The following SUPT7L variants were observed in gnomAD, a reference collection of about 807,000 sequenced individuals.
SUPT7L encodes SPT7 like, STAGA complex subunit gamma, also known as STAGA complex 65 subunit gamma.
Under a neutral mutation model 35.7 loss-of-function variants are expected in SUPT7L, and 15 were observed. The ratio of observed to expected loss-of-function variants is 0.42; its 90% CI spans 0.28 to 0.65. SUPT7L has a LOEUF of 0.65. SUPT7L is among the 30% of genes least tolerant of loss of function. The probability of loss-of-function intolerance (pLI) is 0.23; values close to 1 mark genes in which losing one functional copy is unlikely to be tolerated. For synonymous variants in SUPT7L, 168 were observed against 186.2 expected (o/e 0.90, Z 0.79); for missense variants, 434 against 522.2 (o/e 0.83, Z 1.65).
At chr2:27,643,704 C>G in the SUPT7L span, among the ~76,000 whole-genome samples, 142 of 152,232 alleles carry the variant, frequency 9.3e-4, no homozygotes, top group African/African-American at 3.2e-3. The surrounding 1 kb of genome is among the most constrained non-coding windows in gnomAD (Gnocchi z 4.0). Flanking sequence ...TTTTATAGAG[C>G]ATCCTTCAGT....
chr2:27,661,455 G>A (rs1675107390), intron 2 of SUPT7L, 67 bp from the exon 3 acceptor site: 2 of 1,597,494 alleles, frequency 1.3e-6, no homozygotes, highest in Non-Finnish European at 1.7e-6. Flanking sequence ...TAAAAGTAAT[G>A]TGTTTAAATC....
In SUPT7L at chr2:27,663,519, G is replaced by C. The variant is rs542490320; in HGVS notation, c.-280C>G. 7.7e-6 allele frequency: 4 copies of C among 519,066 alleles called. No homozygotes were observed. Among genetic ancestry groups the C allele is most frequent in the South Asian group, 6.2e-5 (3 of 48,078 alleles). The allele number at this position is 519,066 out of a possible 1,614,324, so 32.2% of individuals were successfully genotyped here. A position where few individuals can be genotyped will look rare whatever the true frequency, so the allele number is the denominator to read the frequency against. On this transcript the variant is annotated 5_prime_UTR_variant, in exon 1 of 6. Transcript: ENST00000337768. The stretch of plus-strand genomic sequence containing the variant: ...AGGAGGTACCACACTATTCACTGCT[G>C]CGTCGCAGAGCGGGCTGGGCGGCTG...
Position 27,653,453 on chromosome 2 carries a change from A to G in SUPT7L, c.*32T>C. ...AAAAACCTTTTCTGTTGGGTCTAGT[A>G]GGTCTGGACAAAACATCTCCCTCTT... On this transcript the variant is annotated 3_prime_UTR_variant, in exon 6 of 6. Transcript: ENST00000337768. 6 of 1,601,298 alleles carry G rather than the reference A, an allele frequency of 3.7e-6. No individual in the cohort carries two copies. The South Asian group carries it at 6.6e-5, about 18-fold the overall frequency.
In SUPT7L at chr2:27,657,560, T is replaced by A. The variant is rs1674862481; in HGVS notation, c.529A>T (p.Ser177Cys). 3.7e-6 allele frequency: 6 copies of A among 1,613,988 alleles called. No individual in the cohort carries two copies. Among genetic ancestry groups the A allele is most frequent in the East Asian group, 4.5e-5 (2 of 44,880 alleles). ...AHAGFDCANE[S>C]VLETLTDVAH... ...ACATCAGTTAGGGTCTCCAGGACAC[T>A]CTCATTAGCACAGTCAAAGCCCGCG... Residue 177 changes from serine (S) to cysteine (C), a missense_variant, in exon 4 of 6, where the codon AGT (serine) becomes TGT (cysteine). By Grantham distance (112) the Ser-to-Cys change is moderately radical. Coordinates refer to ENST00000337768, the MANE Select transcript of SUPT7L (RefSeq NM_014860.3). This position sits in a 1 kb window ranked among gnomAD's most constrained non-coding sequence, Gnocchi z 5.2.
At chr2:27,648,699 G>A (rs113160276), downstream of SUPT7L, among the ~76,000 whole-genome samples, 30,881 of 152,092 alleles carry the variant, frequency 0.2, 4,177 homozygotes, top group Non-Finnish European at 0.3. Flanking sequence ...GCAGTGGCAC[G>A]ATCTCAGCTG....
downstream of SUPT7L, chr2:27,650,027 T>C (rs768477758): frequency 3.2e-5 from 24 of 759,024 alleles, no homozygotes; most frequent in Admixed American, 5.6e-5. Flanking sequence ...TTAGAAGTAA[T>C]GTACTGTTTT....
chr2:27,647,219 G>A (rs949629313), downstream of SUPT7L, among the ~76,000 whole-genome samples: 1 of 152,184 alleles, frequency 6.6e-6, no homozygotes, highest in Non-Finnish European at 1.5e-5. Context: ...TGAAGAGAGA[G>A]TGACTATGTC....
At chr2:27,643,137 T>G in the SUPT7L span, among the ~76,000 whole-genome samples, 3 of 151,056 alleles carry the variant, frequency 2.0e-5, no homozygotes, top group South Asian at 2.1e-4. This position sits in a 1 kb window ranked among gnomAD's most constrained non-coding sequence, Gnocchi z 4.0. Context: ...GCTGTGGTGG[T>G]TTTTTTTGTT....
In SUPT7L at chr2:27,661,030, C is replaced by T. The variant is rs370733245; in HGVS notation, c.373G>A (p.Ala125Thr). 2 of 1,613,984 alleles carry T rather than the reference C, an allele frequency of 1.2e-6. No individual in the cohort carries two copies. Among genetic ancestry groups the T allele is most frequent in the Non-Finnish European group, 1.7e-6 (2 of 1,180,020 alleles). Residue 125 changes from alanine to threonine, a missense_variant, in exon 3 of 6, where the codon GCA becomes ACA. Around this residue, in one of 3 missense-constraint regions of SUPT7L, gnomAD observed 198 missense variants for 190.8 expected, o/e 1.04. Coordinates refer to ENST00000337768, the MANE Select transcript of SUPT7L (RefSeq NM_014860.3). ...LLPLDCKNPN[A>T]PFQIRHSDPE... ...TCACTGTGCCGGATCTGGAATGGTG[C>T]ATTGGGATTCTTACAATCTAAAGGC...
intron 4 of SUPT7L, among the ~76,000 whole-genome samples, chr2:27,656,269 T>C (rs2148113654): frequency 6.6e-6 from 1 of 152,318 alleles, no homozygotes; most frequent in African/African-American, 2.4e-5. Flanking sequence ...CCTAATCATA[T>C]TTTAGACCTG....
chr2:27,649,447 T>C (rs1047360667), downstream of SUPT7L, among the ~76,000 whole-genome samples: 2 of 105,540 alleles, frequency 1.9e-5, no homozygotes, highest in Admixed American at 9.6e-5. Flanking sequence ...CTTTAATAAA[T>C]ATATACTTTC....
chr2:27,655,229 G>GT, intron 5 of SUPT7L, 136 bp downstream of exon 5: 1 of 686,126 alleles, frequency 1.5e-6, no homozygotes, highest in Non-Finnish European at 2.4e-6. Flanking sequence ...AGGTGAAACT[G>GT]TATTCGTTTT....
At chr2:27,647,629 A>G (rs976297916), downstream of SUPT7L, among the ~76,000 whole-genome samples, 5 of 152,250 alleles carry the variant, frequency 3.3e-5, no homozygotes, top group Non-Finnish European at 5.9e-5. Flanking sequence ...TGGGACTCCT[A>G]GGGCTATTTG....
At chr2:27,644,740 T>TTTTTTTTTTTTTC in the SUPT7L span, among the ~76,000 whole-genome samples, 4 of 148,524 alleles carry the variant, frequency 2.7e-5, no homozygotes, top group Admixed American at 6.7e-5. Flanking sequence ...TTTTTTTTTT[T>TTTTTTTTTTTTTC]TTTACAGATG....
At chr2:27,642,958 T>TATATACAC in the SUPT7L span, among the ~76,000 whole-genome samples, 68 of 122,658 alleles carry the variant, frequency 5.5e-4, no homozygotes, top group African/African-American at 1.8e-3. Context: ...TATATATATA[T>TATATACAC]ACACACACAC....
downstream of SUPT7L, among the ~76,000 whole-genome samples, chr2:27,648,660 G>A (rs1194842934): frequency 6.6e-6 from 1 of 152,182 alleles, no homozygotes; most frequent in African/African-American, 2.4e-5. Context: ...TTTTGAGACA[G>A]AGTTTTGCTT....
Position 27,662,002 on chromosome 2 carries a change from G to A in SUPT7L, c.14+177C>T, listed in dbSNP as rs894427217. ...ATATAGAACGTGAGAGATTTCTGCTGCCTTCTAACTGGTATCCCTTCCTCC... is the reference window on the plus strand; with the variant it reads ...ATATAGAACGTGAGAGATTTCTGCTACCTTCTAACTGGTATCCCTTCCTCC... On this transcript the variant is annotated intron_variant, in intron 2 of 5. Coordinates refer to ENST00000337768, the MANE Select transcript of SUPT7L (RefSeq NM_014860.3). 1.2e-5 allele frequency: 9 copies of A among 768,456 alleles called. No homozygotes were observed. In the African/African-American group the frequency reaches 1.4e-4, roughly 12 times the overall value. 47.6% of individuals were successfully genotyped at this position (768,456 alleles called of 1,614,324 possible).
At position 27,653,747 on chromosome 2, in the gene SUPT7L, C is replaced by T. The variant is rs1280978680; in HGVS notation, c.983G>A (p.Ser328Asn). Residue 328 changes from serine (S) to asparagine (N), a missense_variant and splice_region_variant, in exon 6 of 6, where the codon AGT becomes AAT. Coordinates refer to ENST00000337768, the MANE Select transcript of SUPT7L (RefSeq NM_014860.3). ...AAGAGGAGAAGCATTTACCTCTGCA[C>T]CTAGAAACAGAGGAAAGATGGACAT... The part of the protein sequence containing the change: ...LEVEASPQAS[S>N]AEVNASPLWN... 1 of 1,614,042 alleles carries T rather than the reference C, an allele frequency of 6.2e-7. No individual in the cohort carries two copies. Among genetic ancestry groups the T allele is most frequent in the Non-Finnish European group, 8.5e-7 (1 of 1,180,034 alleles).
intron 4 of SUPT7L, among the ~76,000 whole-genome samples, chr2:27,655,847 AT>A (rs1674782104): frequency 6.6e-6 from 1 of 152,208 alleles, no homozygotes; most frequent in Non-Finnish European, 1.5e-5. Context: ...AGGTAAAAAA[AT>A]GTGTTAGAAC....
Sources: gnomAD v4.1 joint callset for allele counts (sites outside exome capture counted in the v4.1 genomes callset) on GRCh38, gnomAD v4.1.1 for gene constraint, gnomAD v4.1.1 regional missense constraint, Gnocchi (gnomAD v3.1) non-coding constraint, MANE v1.5 for transcripts, NCBI Gene and HGNC (gene_info 2026-07-23, HGNC 2026-07-21) for gene names.